SLC6A15: variants seen among roughly 807,000 people sequenced by gnomAD.
SLC6A15 encodes the protein sodium-dependent neutral amino acid transporter B(0)AT2.
In SLC6A15, 33 loss-of-function variants were observed where a neutral mutation model predicts 68.5. The ratio of observed to expected loss-of-function variants is 0.48; its 90% confidence interval spans 0.37 to 0.64. The LOEUF (loss-of-function observed/expected upper bound fraction) is 0.64. Ranked by LOEUF, SLC6A15 falls within the 30% of genes least tolerant of loss-of-function variation. SLC6A15 has a pLI of 0.00. For missense variants in SLC6A15, 747 were observed against 874.3 expected (o/e 0.85, Z 1.84); for synonymous variants, 347 against 301.0 (o/e 1.15, Z -1.58).
intron 5 of SLC6A15, chr12:84,881,396 C>T: frequency 1.1e-6 from 1 of 950,430 alleles, no homozygotes; most frequent in African/African-American, 1.8e-5. Context: ...CCACACAAAG[C>T]AGCCCTATTC....
chr12:84,868,381 T>C (rs1452445062), intron 9 of SLC6A15, among the ~76,000 whole-genome samples: 3 of 152,202 alleles, frequency 2.0e-5, no homozygotes, highest in Non-Finnish European at 4.4e-5. Flanking sequence ...ATGAGAGAAA[T>C]GATCCTGAAG....
intron 8 of SLC6A15, 105 bp downstream of exon 8, chr12:84,872,497 G>T: frequency 1.3e-6 from 1 of 789,966 alleles, no homozygotes; most frequent in Non-Finnish European, 1.9e-6. Context: ...CATTTTAAGA[G>T]CTTCTTCGGG....
chr12:84,905,861 C>G (rs746544127), intron 1 of SLC6A15, among the ~76,000 whole-genome samples: 2 of 152,178 alleles, frequency 1.3e-5, no homozygotes, highest in Non-Finnish European at 2.9e-5. Context: ...ATTTCCATCA[C>G]ATAAGGATTC....
chr12:84,880,979 C>T, intron 5 of SLC6A15: 1 of 579,794 alleles, frequency 1.7e-6, no homozygotes, highest in Non-Finnish European at 2.2e-6. Context: ...ATTTATTTTC[C>T]CTGAGCTTGT....
chr12:84,888,879 C>T (rs1337589244), intron 2 of SLC6A15, among the ~76,000 whole-genome samples: 2 of 152,172 alleles, frequency 1.3e-5, no homozygotes. Flanking sequence ...CTGTCTCCCA[C>T]TCTTTTTTTG....
intron 5 of SLC6A15, chr12:84,883,326 C>T (rs1259086530): frequency 1.0e-6 from 1 of 988,802 alleles, no homozygotes; most frequent in Non-Finnish European, 1.2e-6. Flanking sequence ...TAGTCTTTTA[C>T]ATTACTCTGA....
At position 84,910,296 on chromosome 12, in the gene SLC6A15, T is replaced by TAA. The variant is rs376105078; in HGVS notation, c.-189+2225_-189+2226dup. On this transcript the variant is annotated intron_variant, in intron 1 of 11. Coordinates refer to ENST00000266682, the MANE Select transcript of SLC6A15 (RefSeq NM_182767.6). ...AAAATCCTATTAATTCCTGTCATCC[T>TAA]AAAAAAAAACACAAACTGAAAGCTT... Among the ~76,000 whole-genome samples, 680 of 150,936 alleles carry TAA rather than the reference T, an allele frequency of 4.5e-3. 2 individuals are homozygous for TAA. The highest frequency in any genetic ancestry group is 0.016 in the African/African-American group (651 of 41,200).
chr12:84,888,144 G>C (rs546261467), intron 2 of SLC6A15, among the ~76,000 whole-genome samples: 1 of 150,492 alleles, frequency 6.6e-6, no homozygotes, highest in Non-Finnish European at 1.5e-5. Flanking sequence ...TGTGGTCCCA[G>C]CTACTCGGAA....
At chr12:84,878,633 T>G (rs2120606451) in intron 5 of SLC6A15, among the ~76,000 whole-genome samples, 1 of 152,192 alleles carries the variant, frequency 6.6e-6, no homozygotes, top group East Asian at 1.9e-4. Flanking sequence ...TAAAATATGC[T>G]TTTTAATTTT....
At chr12:84,910,928 C>CGT (rs34335324) in intron 1 of SLC6A15, among the ~76,000 whole-genome samples, 5,005 of 143,506 alleles carry the variant, frequency 0.035, 130 homozygotes, top group Middle Eastern at 0.056. Context: ...GCCCTCTTTC[C>CGT]GTGTGTGTGT....
intron 6 of SLC6A15, among the ~76,000 whole-genome samples, chr12:84,875,968 A>G (rs1871517848): frequency 1.3e-5 from 2 of 151,678 alleles, no homozygotes; most frequent in Admixed American, 6.6e-5. Context: ...AAAATTAACT[A>G]AGAAAAGAAA....
At chr12:84,885,800 A>G (rs1872071839) in intron 3 of SLC6A15, 111 bp downstream of exon 3, 2 of 1,170,882 alleles carry the variant, frequency 1.7e-6, no homozygotes, top group South Asian at 1.7e-5. Flanking sequence ...TTTCTAAAAC[A>G]TAGTAAAAGA....
intron 5 of SLC6A15, chr12:84,881,496 GT>G (rs1455575200): frequency 1.6e-5 from 16 of 985,258 alleles, no homozygotes; most frequent in Admixed American, 6.2e-5. Context: ...GTAAAATCCA[GT>G]ATTGCAGATG....
chr12:84,869,464 CAA>C (rs34160834), intron 9 of SLC6A15, among the ~76,000 whole-genome samples: 665 of 63,180 alleles, frequency 0.011, 3 homozygotes, highest in African/African-American at 0.025. Flanking sequence ...GACTCCGTCT[CAA>C]AAAAAAAAAA....
At chr12:84,906,673 A>G (rs561873578) in intron 1 of SLC6A15, among the ~76,000 whole-genome samples, 2 of 152,320 alleles carry the variant, frequency 1.3e-5, no homozygotes, top group East Asian at 3.9e-4. Context: ...AAGCAATTTC[A>G]ATGGAGAAAA....
At chr12:84,872,123 C>A (rs962438712) in intron 8 of SLC6A15, among the ~76,000 whole-genome samples, 22 of 151,418 alleles carry the variant, frequency 1.5e-4, no homozygotes, top group African/African-American at 5.1e-4. Context: ...CACCACTGCA[C>A]CCCGGCCTGG....
chr12:84,866,426 G>A (rs1871068681), intron 10 of SLC6A15, among the ~76,000 whole-genome samples: 1 of 152,116 alleles, frequency 6.6e-6, no homozygotes, highest in Admixed American at 6.6e-5. Context: ...TGCGTATAGT[G>A]AATTTAAGTA....
At chr12:84,911,792 C>T (rs2120763565) in intron 1 of SLC6A15, 2 of 152,634 alleles carry the variant, frequency 1.3e-5, no homozygotes, top group South Asian at 4.1e-4. Context: ...TGCTTCCCAT[C>T]TTCTTACAGT....
At chr12:84,876,472 C>G (rs371846307) in intron 6 of SLC6A15, 25 bp downstream of exon 6, 1 of 1,136,264 alleles carries the variant, frequency 8.8e-7, no homozygotes, top group Non-Finnish European at 1.3e-6. Flanking sequence ...TGATCATAAG[C>G]CTTAAATAGA....
Sources: gnomAD v4.1 joint callset for allele counts (sites outside exome capture counted in the v4.1 genomes callset) on GRCh38, gnomAD v4.1.1 for gene constraint, MANE v1.5 for transcripts, NCBI Gene and HGNC (gene_info 2026-07-23, HGNC 2026-07-21) for gene names.